Variants in NCAM2 observed in about 807,000 individuals in gnomAD.
The protein encoded by NCAM2 is N-CAM-2.
In NCAM2, 30 loss-of-function variants were observed where a neutral mutation model predicts 98.1. That is an observed-to-expected ratio of 0.31 (90% confidence interval 0.23 to 0.41). The LOEUF is 0.41. NCAM2 is among the 10% of genes least tolerant of loss of function. The pLI is 1.00. For missense variants in NCAM2, 867 were observed against 1,005.8 expected (o/e 0.86, Z 1.87); for synonymous variants, 368 against 342.4 (o/e 1.07, Z -0.83).
intron 1 of NCAM2, among the ~76,000 whole-genome samples, chr21:21,149,574 A>C (rs1369949894): frequency 1.3e-4 from 19 of 141,530 alleles, no homozygotes; most frequent in African/African-American, 2.7e-4. Flanking sequence ...CTTGCCCCCC[A>C]CCCCCCGACA....
At chr21:21,416,172 A>G (rs1302814333) in intron 10 of NCAM2, among the ~76,000 whole-genome samples, 2 of 152,144 alleles carry the variant, frequency 1.3e-5, no homozygotes, top group South Asian at 4.1e-4. Context: ...CCTAATTTTA[A>G]TATTATTGTG....
intron 1 of NCAM2, among the ~76,000 whole-genome samples, chr21:21,122,444 A>G (rs1287326464): frequency 6.6e-6 from 1 of 152,206 alleles, no homozygotes; most frequent in African/African-American, 2.4e-5. Flanking sequence ...CATTATATTC[A>G]TTGTGAATTT....
In NCAM2 at chr21:21,328,110, C is replaced by T. The variant is rs139161432; in HGVS notation, c.737+3610C>T. Among the ~76,000 whole-genome samples, 307 of 152,242 alleles carry T rather than the reference C, an allele frequency of 2.0e-3. 3 individuals are homozygous for T. Among genetic ancestry groups the T allele is most frequent in the African/African-American group, 6.9e-3 (288 of 41,536 alleles). Reference sequence around the variant, plus strand: ...CCAGCATAATGACCTATCAATGACACGCCTCATATGTGATGGTGGTTCCAT... The same window carrying T: ...CCAGCATAATGACCTATCAATGACATGCCTCATATGTGATGGTGGTTCCAT... On this transcript the variant is annotated intron_variant, in intron 6 of 17. Transcript: ENST00000400546.
intron 1 of NCAM2, among the ~76,000 whole-genome samples, chr21:21,017,915 C>G (rs1467561914): frequency 6.6e-6 from 1 of 151,984 alleles, no homozygotes; most frequent in Non-Finnish European, 1.5e-5. Flanking sequence ...CATATATATG[C>G]ATACAGAAGC....
At chr21:21,099,539 G>A (rs2066195227) in intron 1 of NCAM2, among the ~76,000 whole-genome samples, 2 of 151,692 alleles carry the variant, frequency 1.3e-5, no homozygotes, top group African/African-American at 4.8e-5. Context: ...CATCAGATCT[G>A]GTGAAAACTC....
chr21:21,044,811 A>C (rs1425493705), intron 1 of NCAM2, among the ~76,000 whole-genome samples: 4 of 152,030 alleles, frequency 2.6e-5, no homozygotes. Context: ...ACAAAAATAA[A>C]AAAATTTGTT....
intron 1 of NCAM2, among the ~76,000 whole-genome samples, chr21:21,156,178 A>G (rs138890844): frequency 1.3e-5 from 2 of 152,158 alleles, no homozygotes; most frequent in East Asian, 3.9e-4. Flanking sequence ...CTACTGTAGC[A>G]TGCTTGTTCT....
chr21:21,149,658 C>T (rs756962733), intron 1 of NCAM2, among the ~76,000 whole-genome samples: 21 of 151,858 alleles, frequency 1.4e-4, no homozygotes, highest in Non-Finnish European at 1.3e-4. Context: ...TCAGTGAGCA[C>T]GTGTGGTGTT....
At chr21:21,427,793 A>G (rs3787602) in intron 11 of NCAM2, among the ~76,000 whole-genome samples, 2,673 of 152,316 alleles carry the variant, frequency 0.018, 71 homozygotes, top group East Asian at 0.13. Flanking sequence ...ATTACCTGCC[A>G]TTTGACTAAA....
At chr21:21,462,759 G>T (rs75920558) in intron 12 of NCAM2, among the ~76,000 whole-genome samples, 6,595 of 152,026 alleles carry the variant, frequency 0.043, 480 homozygotes, top group African/African-American at 0.15. Flanking sequence ...AAATATTAGT[G>T]CAGGAAACTA....
intron 1 of NCAM2, among the ~76,000 whole-genome samples, chr21:20,998,947 G>A (rs1373536880): frequency 6.6e-6 from 1 of 152,016 alleles, no homozygotes; most frequent in Non-Finnish European, 1.5e-5. Flanking sequence ...TTGGATGAGT[G>A]TGTTAACAGT....
intron 10 of NCAM2, among the ~76,000 whole-genome samples, chr21:21,410,706 T>C (rs1337774029): frequency 6.6e-6 from 1 of 151,722 alleles, no homozygotes; most frequent in Non-Finnish European, 1.5e-5. Context: ...AATGCACTTT[T>C]AGGAATAAAA....
intron 6 of NCAM2, among the ~76,000 whole-genome samples, chr21:21,328,050 T>G (rs1044443192): frequency 1.3e-5 from 2 of 152,152 alleles, no homozygotes; most frequent in Non-Finnish European, 2.9e-5. Context: ...AAATGTTCCA[T>G]TTAAACCCCA....
intron 1 of NCAM2, among the ~76,000 whole-genome samples, chr21:21,100,821 A>G (rs2066226789): frequency 6.6e-6 from 1 of 152,018 alleles, no homozygotes. Flanking sequence ...GCATAGACAC[A>G]TAGCTGTTCT....
At chr21:21,512,873 C>CT (rs535660761) in intron 16 of NCAM2, among the ~76,000 whole-genome samples, 278 of 151,966 alleles carry the variant, frequency 1.8e-3, no homozygotes, top group Non-Finnish European at 3.4e-3. Flanking sequence ...TTATTGGTTT[C>CT]TTTTTCAAAT....
At chr21:21,273,987 G>T (rs767449940) in intron 1 of NCAM2, among the ~76,000 whole-genome samples, 7 of 151,960 alleles carry the variant, frequency 4.6e-5, no homozygotes, top group Non-Finnish European at 1.0e-4. Context: ...AGAACATGGA[G>T]AAACCCTGTC....
At chr21:21,056,578 TGAGA>T (rs977656768) in intron 1 of NCAM2, among the ~76,000 whole-genome samples, 4 of 122,480 alleles carry the variant, frequency 3.3e-5, no homozygotes, top group Non-Finnish European at 7.1e-5. Context: ...AGAGAGATAG[TGAGA>T]GAGAGAGAAT....
At chr21:21,163,090 G>A (rs2067837702) in intron 1 of NCAM2, among the ~76,000 whole-genome samples, 1 of 152,162 alleles carries the variant, frequency 6.6e-6, no homozygotes, top group South Asian at 2.1e-4. Context: ...GAAGCAAAAA[G>A]AGATGTTCAT....
intron 8 of NCAM2, among the ~76,000 whole-genome samples, chr21:21,339,681 GAGA>G (rs2074972530): frequency 6.6e-6 from 1 of 151,790 alleles, no homozygotes; most frequent in Admixed American, 6.6e-5. Context: ...TAGTAAAAAA[GAGA>G]AGAATAAATG....
Sources: gnomAD v4.1 joint callset for allele counts (sites outside exome capture counted in the v4.1 genomes callset) on GRCh38, gnomAD v4.1.1 for gene constraint, MANE v1.5 for transcripts, NCBI Gene and HGNC (gene_info 2026-07-23, HGNC 2026-07-21) for gene names.